PDGFRL: variants seen among roughly 807,000 people sequenced by gnomAD.
PDGFRL encodes the protein platelet-derived growth factor receptor-like protein.
PDGFRL carries 46 observed loss-of-function variants against 37.2 expected under a neutral mutation model. That is an observed-to-expected ratio of 1.24 (90% CI 0.98 to 1.58). PDGFRL has a LOEUF of 1.58. Ranked by LOEUF, PDGFRL falls within the 40% of genes most tolerant of loss-of-function variation. The pLI is 0.00. For synonymous variants in PDGFRL, 251 were observed against 184.3 expected (o/e 1.36, Z -2.93); for missense variants, 692 against 467.6 (o/e 1.48, Z -4.43).
chr8:17,605,632 G>T (rs772417926), intron 2 of PDGFRL, among the ~76,000 whole-genome samples: 1 of 152,142 alleles, frequency 6.6e-6, no homozygotes, highest in Non-Finnish European at 1.5e-5. Flanking sequence ...AATCAATGCT[G>T]GTAGGAACAA....
chr8:17,614,155 A>T (rs1357557885), intron 2 of PDGFRL, among the ~76,000 whole-genome samples: 1 of 152,040 alleles, frequency 6.6e-6, no homozygotes, highest in Admixed American at 6.5e-5. Context: ...TAATAGATAG[A>T]TTGATAGATG....
At chr8:17,597,111 C>G (rs551165094) in intron 2 of PDGFRL, among the ~76,000 whole-genome samples, 1 of 152,320 alleles carries the variant, frequency 6.6e-6, no homozygotes, top group African/African-American at 2.4e-5. Flanking sequence ...ACCTCTACCT[C>G]TCATGTTCAA....
intron 3 of PDGFRL, among the ~76,000 whole-genome samples, chr8:17,625,463 T>TTA (rs1554554148): frequency 2.6e-5 from 4 of 151,648 alleles, no homozygotes; most frequent in Admixed American, 1.3e-4. Flanking sequence ...TTTTTTTTTT[T>TTA]AATCTAAAAT....
At chr8:17,624,675 G>A (rs1179117024) in intron 3 of PDGFRL, among the ~76,000 whole-genome samples, 6 of 152,160 alleles carry the variant, frequency 3.9e-5, no homozygotes, top group East Asian at 3.9e-4. Flanking sequence ...TTGGGAAGCC[G>A]AGGCAGGCGG....
intron 2 of PDGFRL, among the ~76,000 whole-genome samples, chr8:17,614,093 T>G (rs1381907309): frequency 1.3e-5 from 2 of 152,102 alleles, no homozygotes; most frequent in East Asian, 3.9e-4. Flanking sequence ...GATGATAGAT[T>G]GATAGATGAT....
intron 2 of PDGFRL, among the ~76,000 whole-genome samples, chr8:17,618,374 T>C (rs1804569909): frequency 6.6e-6 from 1 of 152,208 alleles, no homozygotes; most frequent in Non-Finnish European, 1.5e-5. Context: ...CCATTTTTTA[T>C]TTGCTGTGCT....
At chr8:17,623,433 A>C (rs769460196) in intron 3 of PDGFRL, among the ~76,000 whole-genome samples, 1 of 152,230 alleles carries the variant, frequency 6.6e-6, no homozygotes, top group Non-Finnish European at 1.5e-5. Context: ...AAGATGAATA[A>C]AAGTCTGTTA....
chr8:17,623,873 C>CAAAAAAAAAA (rs67846013), intron 3 of PDGFRL, among the ~76,000 whole-genome samples: 1 of 142,004 alleles, frequency 7.0e-6, no homozygotes. Flanking sequence ...GACTTTACCT[C>CAAAAAAAAAA]AAAAAAAAAA....
chr8:17,631,517 C>G (rs1232926562), intron 4 of PDGFRL, among the ~76,000 whole-genome samples: 1 of 152,148 alleles, frequency 6.6e-6, no homozygotes, highest in African/African-American at 2.4e-5. Context: ...CAGCCCTGCT[C>G]CACCTCCCCC....
intron 4 of PDGFRL, among the ~76,000 whole-genome samples, chr8:17,629,051 G>A (rs1804800004): frequency 6.6e-6 from 1 of 151,074 alleles, no homozygotes; most frequent in Non-Finnish European, 1.5e-5. Flanking sequence ...CTGAGTAGCT[G>A]GAACCACAGG....
intron 5 of PDGFRL, among the ~76,000 whole-genome samples, chr8:17,639,072 G>C (rs549435737): frequency 2.0e-4 from 31 of 151,826 alleles, no homozygotes; most frequent in African/African-American, 7.0e-4. Flanking sequence ...CAAACAAAAA[G>C]AATAGCTACT....
At chr8:17,640,986 A>G (rs909441642) in intron 5 of PDGFRL, among the ~76,000 whole-genome samples, 19 of 151,912 alleles carry the variant, frequency 1.3e-4, no homozygotes, top group Non-Finnish European at 2.1e-4. Context: ...TTCTCAGGCC[A>G]ATGGGGTTAT....
intron 2 of PDGFRL, among the ~76,000 whole-genome samples, chr8:17,616,474 T>C (rs937809753): frequency 6.6e-6 from 1 of 152,174 alleles, no homozygotes; most frequent in African/African-American, 2.4e-5. Context: ...ATTACAGGCA[T>C]GAACCACTTG....
At chr8:17,632,893 G>A (rs1204156710) in intron 4 of PDGFRL, among the ~76,000 whole-genome samples, 1 of 152,154 alleles carries the variant, frequency 6.6e-6, no homozygotes, top group Non-Finnish European at 1.5e-5. Context: ...GCTCGGCCTT[G>A]AGATTTTAGT....
Position 17,642,686 on chromosome 8 carries a change from C to T in PDGFRL, c.1013C>T (p.Ser338Phe). 1 of 1,603,588 alleles carries T rather than the reference C, an allele frequency of 6.2e-7. No homozygotes were observed. Among genetic ancestry groups the T allele is most frequent in the Non-Finnish European group, 8.5e-7 (1 of 1,170,358 alleles). ...GGACTGGGACACACCACGAGAATCT[C>T]CCAGAGTGTCATTACAGTGGAAGAC... The part of the protein sequence containing the change: ...HRGLGHTTRI[S>F]QSVITVEDFE... Residue 338 changes from serine (S) to phenylalanine (F), a missense_variant, in exon 6 of 6, where the codon TCC (serine) becomes TTC (phenylalanine). Ser to Phe is a radical substitution (Grantham distance 155). Coordinates refer to ENST00000251630, the MANE Select transcript of PDGFRL (RefSeq NM_001372073.1).
chr8:17,630,465 C>T (rs1358685392), intron 4 of PDGFRL, among the ~76,000 whole-genome samples: 1 of 152,216 alleles, frequency 6.6e-6, no homozygotes, highest in African/African-American at 2.4e-5. Flanking sequence ...TGATATCCAA[C>T]AGGCTTGCTG....
chr8:17,635,916 T>C (rs1338984928), intron 5 of PDGFRL, among the ~76,000 whole-genome samples: 1 of 152,184 alleles, frequency 6.6e-6, no homozygotes, highest in African/African-American at 2.4e-5. Flanking sequence ...GACTTTGGTA[T>C]GTCTTTTGAG....
intron 2 of PDGFRL, 117 bp downstream of exon 2, chr8:17,589,882 A>C: frequency 1.5e-6 from 1 of 652,760 alleles, no homozygotes; most frequent in Non-Finnish European, 2.6e-6. Flanking sequence ...CTAATAGATC[A>C]TAAAAATAGA....
chr8:17,590,960 A>G (rs3824326), intron 2 of PDGFRL, among the ~76,000 whole-genome samples: 82,696 of 149,130 alleles, frequency 0.55, 25,290 homozygotes, highest in East Asian at 0.76. Context: ...TTGGCTCACT[A>G]CAAGCTCCGC....
Sources: gnomAD v4.1 joint callset for allele counts (sites outside exome capture counted in the v4.1 genomes callset) on GRCh38, gnomAD v4.1.1 for gene constraint, MANE v1.5 for transcripts, NCBI Gene and HGNC (gene_info 2026-07-23, HGNC 2026-07-21) for gene names.